Variants in EML5 observed in about 807,000 individuals in gnomAD.
EML5 encodes the protein EMAP like 5.
A neutral mutation model predicts 250.0 loss-of-function variants in EML5; 120 were observed. The ratio of observed to expected loss-of-function variants is 0.48; its 90% CI spans 0.41 to 0.56. The LOEUF (loss-of-function observed/expected upper bound fraction) is 0.56. Among genes scored for constraint, EML5 ranks in the 20% least tolerant of loss-of-function variants. The pLI, the probability that EML5 is intolerant of heterozygous loss-of-function variation, is 0.00. For missense variants in EML5, 2,006 were observed against 2,437.6 expected (o/e 0.82, Z 3.73); for synonymous variants, 771 against 806.5 (o/e 0.96, Z 0.75).
At chr14:88,786,678 T>C (rs1305949817) in intron 1 of EML5, among the ~76,000 whole-genome samples, 1 of 152,186 alleles carries the variant, frequency 6.6e-6, no homozygotes, top group Non-Finnish European at 1.5e-5. Flanking sequence ...ACTGTTCTCA[T>C]GGTAGTAAGT....
chr14:88,747,180 G>C (rs2094016602), intron 2 of EML5, among the ~76,000 whole-genome samples: 1 of 152,080 alleles, frequency 6.6e-6, no homozygotes, highest in South Asian at 2.1e-4. Context: ...GGAAGGCCAA[G>C]GCAGGTGGAT....
intron 7 of EML5, among the ~76,000 whole-genome samples, chr14:88,732,410 G>C (rs2093774836): frequency 6.6e-6 from 1 of 152,156 alleles, no homozygotes; most frequent in African/African-American, 2.4e-5. Context: ...GCTCTGTTCT[G>C]TTCCATTGGT....
chr14:88,709,731 T>G (rs1460907685), intron 10 of EML5, among the ~76,000 whole-genome samples: 1 of 152,216 alleles, frequency 6.6e-6, no homozygotes, highest in African/African-American at 2.4e-5. Context: ...TTGAGAAACC[T>G]GCATTTAATA....
intron 8 of EML5, among the ~76,000 whole-genome samples, chr14:88,722,141 T>C (rs943875321): frequency 6.6e-6 from 1 of 152,152 alleles, no homozygotes; most frequent in African/African-American, 2.4e-5. Context: ...TGAAGAGAAA[T>C]AGGAATGCTT....
chr14:88,638,932 A>G (rs370367101), intron 31 of EML5, 25 bp from the exon 32 acceptor site: 58 of 1,526,700 alleles, frequency 3.8e-5, no homozygotes, highest in Non-Finnish European at 4.9e-5. Context: ...TTGAGAATTA[A>G]GTTTGAAAAT....
At chr14:88,760,536 CACCAAT>C (rs1172755445) in intron 1 of EML5, among the ~76,000 whole-genome samples, 2 of 152,166 alleles carry the variant, frequency 1.3e-5, no homozygotes, top group Non-Finnish European at 2.9e-5. Flanking sequence ...TCTATCCTTT[CACCAAT>C]ACCACACTGC....
At chr14:88,780,190 T>C (rs1395239613) in intron 1 of EML5, among the ~76,000 whole-genome samples, 2 of 152,086 alleles carry the variant, frequency 1.3e-5, no homozygotes, top group Non-Finnish European at 2.9e-5. Context: ...GACCTCTAAG[T>C]GATCCACCTG....
intron 25 of EML5, among the ~76,000 whole-genome samples, chr14:88,658,873 T>C (rs538843834): frequency 4.9e-4 from 75 of 152,296 alleles, no homozygotes; most frequent in African/African-American, 1.7e-3. Flanking sequence ...CTGTTGGAAA[T>C]AGATACAATA....
intron 1 of EML5, among the ~76,000 whole-genome samples, chr14:88,758,783 C>A (rs1304256933): frequency 6.6e-6 from 1 of 152,158 alleles, no homozygotes; most frequent in Non-Finnish European, 1.5e-5. Flanking sequence ...AAATGTTTGA[C>A]TGAATCACGA....
rs1417420701 is a variant in EML5, at chr14:88,658,179, T to C, written c.3877+8A>G. 4 of 1,613,230 alleles carry C rather than the reference T, an allele frequency of 2.5e-6. No individual in the cohort carries two copies. The Admixed American group carries it at 6.7e-5, about 27-fold the overall frequency. ...ATATTTTTGTTCAAGTATTATAAAA[T>C]GACGTACCCCCATCTTCTTCAGAAT... is the stretch of plus-strand genomic sequence containing the variant. On this transcript the variant is annotated splice_region_variant and intron_variant, in intron 26 of 43. Coordinates refer to ENST00000554922, the MANE Select transcript of EML5 (RefSeq NM_183387.3).
At position 88,615,196 on chromosome 14, in the gene EML5, T is replaced by A. The variant is rs2087402814; in HGVS notation, c.*622A>T. On this transcript the variant is annotated 3_prime_UTR_variant, in exon 44 of 44. Transcript: ENST00000554922. ...GCAGCCATATACTGCTAACTTTGGATCTGTTCCTGAATTCAAAACTACTAG... is the reference window on the plus strand; with the variant it reads ...GCAGCCATATACTGCTAACTTTGGAACTGTTCCTGAATTCAAAACTACTAG... 6.6e-6 allele frequency: 1 copy of A among 152,160 alleles called. No homozygotes were observed. The highest frequency in any genetic ancestry group is 6.5e-5 in the Admixed American group (1 of 15,278). The allele number at this position is 152,160 out of a possible 1,614,324, so 9.4% of individuals were successfully genotyped here. A position where few individuals can be genotyped will look rare whatever the true frequency, so the allele number is the denominator to read the frequency against.
rs376930401 is a variant in EML5 at position 88,621,321 on chromosome 14, A to T, written c.5014-20T>A. On this transcript the variant is annotated intron_variant, in intron 37 of 43. Transcript: ENST00000554922. ...CTTGCCCTGAAACACAAGCAGGACC[A>T]ATACAGTGAATGTAATACAACAGCT... is the stretch of plus-strand genomic sequence containing the variant. The T allele has an allele frequency of 8.3e-5, 134 of 1,613,104 alleles. No individual in the cohort carries two copies. The highest frequency in any genetic ancestry group is 4.2e-4 in the South Asian group (38 of 91,072).
At chr14:88,782,514 C>A (rs969262218) in intron 1 of EML5, among the ~76,000 whole-genome samples, 11 of 152,188 alleles carry the variant, frequency 7.2e-5, no homozygotes, top group African/African-American at 2.7e-4. Context: ...TTTGCGGCAG[C>A]CCCTCCCATC....
Position 88,618,854 on chromosome 14 carries a change from G to A in EML5, c.5376-42C>T, listed in dbSNP as rs1456242505. ...CGTAAAAAGTATTAGACCACATGAAGTATTATAAATACTTAAGATCAGTGA... is the reference window on the plus strand; with the variant it reads ...CGTAAAAAGTATTAGACCACATGAAATATTATAAATACTTAAGATCAGTGA... On this transcript the variant is annotated intron_variant, in intron 39 of 43. Transcript: ENST00000554922. 25 of 1,519,564 alleles carry A rather than the reference G, an allele frequency of 1.6e-5. No individual in the cohort carries two copies. In the African/African-American group the frequency reaches 3.1e-4, roughly 19 times the overall value. The allele number at this position is 1,519,564 out of a possible 1,614,324, so 94.1% of individuals were successfully genotyped here. A position where few individuals can be genotyped will look rare whatever the true frequency, so the allele number is the denominator to read the frequency against.
At chr14:88,759,846 A>C (rs575404851) in intron 1 of EML5, among the ~76,000 whole-genome samples, 4 of 152,244 alleles carry the variant, frequency 2.6e-5, no homozygotes, top group African/African-American at 9.6e-5. Context: ...AGTTTTCCAC[A>C]GTAGTTGTAC....
At chr14:88,743,571 A>C (rs2093958401) in intron 4 of EML5, among the ~76,000 whole-genome samples, 1 of 152,086 alleles carries the variant, frequency 6.6e-6, no homozygotes, top group African/African-American at 2.4e-5. Context: ...TCACAGTTTT[A>C]AAATGTGAAA....
At chr14:88,787,794 T>G (rs978799299) in intron 1 of EML5, among the ~76,000 whole-genome samples, 3 of 152,224 alleles carry the variant, frequency 2.0e-5, no homozygotes, top group African/African-American at 7.2e-5. Context: ...TAAATATGTT[T>G]TCTAATACTT....
At chr14:88,688,850 A>G (rs896433468) in intron 17 of EML5, among the ~76,000 whole-genome samples, 3 of 152,256 alleles carry the variant, frequency 2.0e-5, no homozygotes, top group Non-Finnish European at 4.4e-5. Flanking sequence ...CTGAAATGTC[A>G]TGCCAACCTC....
intron 21 of EML5, among the ~76,000 whole-genome samples, chr14:88,668,935 A>T (rs1214517721): frequency 6.6e-6 from 1 of 151,860 alleles, no homozygotes; most frequent in Non-Finnish European, 1.5e-5. Context: ...CACCAAGAAG[A>T]CCGAAAACGG....
Sources: gnomAD v4.1 joint callset for allele counts (sites outside exome capture counted in the v4.1 genomes callset) on GRCh38, gnomAD v4.1.1 for gene constraint, MANE v1.5 for transcripts, NCBI Gene and HGNC (gene_info 2026-07-23, HGNC 2026-07-21) for gene names.